The following FAM178B variants were observed in gnomAD, a reference collection of about 807,000 sequenced individuals.
FAM178B encodes protein FAM178B.
A neutral mutation model predicts 91.7 loss-of-function variants in FAM178B; 82 were observed. The observed-to-expected ratio is 0.89, with a 90% CI of 0.75 to 1.07. The LOEUF (loss-of-function observed/expected upper bound fraction) is 1.07, where lower values mean the gene tolerates loss of function less well. Among genes scored for constraint, FAM178B ranks in the 50% least tolerant of loss-of-function variants. The pLI, the probability that FAM178B is intolerant of heterozygous loss-of-function variation, is 0.00. For missense variants in FAM178B, 769 were observed against 846.7 expected (o/e 0.91, Z 1.14); for synonymous variants, 368 against 359.4 (o/e 1.02, Z -0.27).
intron 14 of FAM178B, among the ~76,000 whole-genome samples, chr2:96,883,648 A>G (rs1253198717): frequency 6.6e-6 from 1 of 152,160 alleles, no homozygotes; most frequent in Non-Finnish European, 1.5e-5. Context: ...CTGACCCAGG[A>G]ACACCTGCTG....
rs187677325 is a variant in FAM178B at position 96,961,964 on chromosome 2, C to T, written c.735-1524G>A. On this transcript the variant is annotated intron_variant, in intron 5 of 16. Coordinates refer to ENST00000490605, the MANE Select transcript of FAM178B (RefSeq NM_001122646.3). ...ATTTCCTGTTTGGTTCATGTCTTTG[C>T]CATTAGTTTTGTATCTATTGCTTAA... Among the ~76,000 whole-genome samples, 190 of 152,250 alleles carry T rather than the reference C, an allele frequency of 1.2e-3. 2 individuals carry two copies. The highest frequency in any genetic ancestry group is 4.1e-3 in the African/African-American group (172 of 41,554).
chr2:96,899,460 C>A (rs1454297282), intron 13 of FAM178B, among the ~76,000 whole-genome samples: 3 of 152,132 alleles, frequency 2.0e-5, no homozygotes, highest in Admixed American at 2.0e-4. Flanking sequence ...GTGGGCTGGA[C>A]CTGGCTTGGC....
intron 6 of FAM178B, among the ~76,000 whole-genome samples, chr2:96,953,549 A>C (rs996720768): frequency 6.6e-6 from 1 of 152,252 alleles, no homozygotes; most frequent in Non-Finnish European, 1.5e-5. Flanking sequence ...CCCTTCTGCT[A>C]TGTGGGCTTT....
intron 1 of FAM178B, among the ~76,000 whole-genome samples, chr2:96,982,368 T>A (rs116232626): frequency 0.019 from 2,950 of 152,154 alleles, 100 homozygotes; most frequent in African/African-American, 0.067. Flanking sequence ...CGTCAAGTCA[T>A]CCTCCCACCT....
intron 8 of FAM178B, 65 bp from the exon 9 acceptor site, chr2:96,929,385 C>T: frequency 8.6e-7 from 1 of 1,161,948 alleles, no homozygotes. Context: ...ACCACTCCCA[C>T]TGAAGGGGCT....
At chr2:96,930,632 A>T (rs142019880) in intron 8 of FAM178B, among the ~76,000 whole-genome samples, 83 of 152,354 alleles carry the variant, frequency 5.4e-4, no homozygotes, top group African/African-American at 1.8e-3. Context: ...TGGAAGAATT[A>T]GAATGAATGA....
At chr2:96,913,715 G>A (rs117298291) in intron 12 of FAM178B, among the ~76,000 whole-genome samples, 1,885 of 152,312 alleles carry the variant, frequency 0.012, 127 homozygotes, top group Admixed American at 0.1. Context: ...AGAACACTGA[G>A]AGGATCCTGG....
chr2:96,954,923 C>T (rs1434273193), intron 6 of FAM178B, among the ~76,000 whole-genome samples: 1 of 152,162 alleles, frequency 6.6e-6, no homozygotes, highest in Non-Finnish European at 1.5e-5. Flanking sequence ...TGGTAGTGCA[C>T]ACCTGTGGTC....
chr2:96,893,831 C>A (rs2080740957), intron 14 of FAM178B, 95 bp downstream of exon 14: 1 of 1,443,940 alleles, frequency 6.9e-7, no homozygotes, highest in South Asian at 1.3e-5. Context: ...CTGGAAGGAC[C>A]CGCAGGCCAT....
chr2:96,912,347 T>C (rs2081172678), intron 12 of FAM178B, among the ~76,000 whole-genome samples: 1 of 151,902 alleles, frequency 6.6e-6, no homozygotes, highest in Admixed American at 6.5e-5. Context: ...GCCCCAGTCC[T>C]GGATCGGGGC....
chr2:96,893,873 C>T, intron 14 of FAM178B, 53 bp downstream of exon 14: 1 of 1,582,480 alleles, frequency 6.3e-7, no homozygotes, highest in Non-Finnish European at 8.6e-7. Context: ...TTCCCTGCTA[C>T]CTGTGGTGGT....
At position 96,970,780 on chromosome 2, in the gene FAM178B, G is replaced by A; in HGVS notation, c.565-3C>T. ...CTTCCTGAGCCCCCCCAGGAAAACT[G>A]GAGAAACAGGACATGGGAATGAGGA... is the stretch of plus-strand genomic sequence containing the variant. On this transcript the variant is annotated splice_region_variant and splice_polypyrimidine_tract_variant and intron_variant, in intron 3 of 16. Coordinates refer to ENST00000490605, the MANE Select transcript of FAM178B (RefSeq NM_001122646.3). 8 of 1,549,250 alleles carry A rather than the reference G, an allele frequency of 5.2e-6. No individual in the cohort carries two copies. The highest frequency in any genetic ancestry group is 7.0e-6 in the Non-Finnish European group (8 of 1,144,910).
At chr2:96,894,931 C>A (rs2080789800) in intron 13 of FAM178B, 2 of 571,882 alleles carry the variant, frequency 3.5e-6, no homozygotes, top group East Asian at 9.1e-5. Flanking sequence ...ATCCCCACCC[C>A]CTGCACTGCC....
Position 96,986,334 on chromosome 2 carries a change from C to T in FAM178B, c.-21G>A. 1 of 1,531,678 alleles carries T rather than the reference C, an allele frequency of 6.5e-7. No homozygotes were observed. The highest frequency in any genetic ancestry group is 2.4e-5 in the East Asian group (1 of 40,820). The allele number at this position is 1,531,678 out of a possible 1,614,324, so 94.9% of individuals were successfully genotyped here. On this transcript the variant is annotated 5_prime_UTR_variant, in exon 1 of 17. Transcript: ENST00000490605. ...CACATAGGGCGGGAAGGGCAGGGCTCCGGGGTGAGGGAGGGTGGCGGGAAT... is the reference window on the plus strand; with the variant it reads ...CACATAGGGCGGGAAGGGCAGGGCTTCGGGGTGAGGGAGGGTGGCGGGAAT...
chr2:96,977,950 C>CGGGGGGGGGGGG, intron 1 of FAM178B: 2 of 229,318 alleles, frequency 8.7e-6, no homozygotes, highest in Middle Eastern at 7.0e-4. Flanking sequence ...GTGGGGCGGG[C>CGGGGGGGGGGGG]GGGGGAGGGG....
At chr2:96,896,757 G>A (rs1162993646) in intron 13 of FAM178B, among the ~76,000 whole-genome samples, 1 of 152,288 alleles carries the variant, frequency 6.6e-6, no homozygotes, top group East Asian at 1.9e-4. Flanking sequence ...TCCTGGAGCT[G>A]GTGCCCTGCC....
At chr2:96,901,827 A>C (rs1420131721) in intron 13 of FAM178B, among the ~76,000 whole-genome samples, 1 of 152,202 alleles carries the variant, frequency 6.6e-6, no homozygotes, top group Non-Finnish European at 1.5e-5. Context: ...TGATTACAAA[A>C]AAATTAAATA....
intron 8 of FAM178B, among the ~76,000 whole-genome samples, chr2:96,937,952 CGA>C (rs2081660979): frequency 6.6e-6 from 1 of 152,110 alleles, no homozygotes; most frequent in Admixed American, 6.5e-5. Flanking sequence ...CACCTGAGCC[CGA>C]GAGGTCAAGG....
At chr2:96,894,443 C>A (rs2080763339) in intron 13 of FAM178B, among the ~76,000 whole-genome samples, 1 of 124,592 alleles carries the variant, frequency 8.0e-6, no homozygotes. Context: ...CACAGACCCA[C>A]ATCCACACCT....
Sources: gnomAD v4.1 joint callset for allele counts (sites outside exome capture counted in the v4.1 genomes callset) on GRCh38, gnomAD v4.1.1 for gene constraint, MANE v1.5 for transcripts, NCBI Gene and HGNC (gene_info 2026-07-23, HGNC 2026-07-21) for gene names.